ACACB: variants seen among roughly 807,000 people sequenced by gnomAD.
ACACB encodes the protein acetyl-CoA carboxylase beta, also known as acetyl-CoA carboxylase 2.
A neutral mutation model predicts 278.8 loss-of-function variants in ACACB; 209 were observed. The observed-to-expected ratio is 0.75, with a 90% CI of 0.67 to 0.84. The LOEUF (loss-of-function observed/expected upper bound fraction) is 0.84. Ranked by LOEUF, ACACB falls within the 40% of genes least tolerant of loss-of-function variation. The pLI is 0.00. For synonymous variants in ACACB, 1,174 were observed against 1,285.6 expected (o/e 0.91, Z 1.86); for missense variants, 2,850 against 3,269.0 (o/e 0.87, Z 3.13).
intron 19 of ACACB, among the ~76,000 whole-genome samples, chr12:109,205,938 T>C (rs969543888): frequency 6.6e-6 from 1 of 152,184 alleles, no homozygotes; most frequent in African/African-American, 2.4e-5. Context: ...ACATTTAGTC[T>C]GTGTTGCCCT....
At chr12:109,173,161 G>C (rs1242835549) in intron 6 of ACACB, among the ~76,000 whole-genome samples, 1 of 152,156 alleles carries the variant, frequency 6.6e-6, no homozygotes, top group East Asian at 1.9e-4. Flanking sequence ...CACTACTTGA[G>C]GGTGAAAGGC....
chr12:109,242,492 A>T lies in ACACB; in HGVS notation c.5078A>T (p.Asn1693Ile). ...GGGCCCCAGCACGGGATGCTGATCAATACTCCCTACGTCACCAAGGATCTG... is the reference window on the plus strand; with the variant it reads ...GGGCCCCAGCACGGGATGCTGATCATTACTCCCTACGTCACCAAGGATCTG... ...KQGPQHGMLI[N>I]TPYVTKDLLQ... is the part of the protein sequence containing the mutation. Residue 1693 changes from asparagine to isoleucine, a missense_variant, in exon 37 of 53, where the codon AAT becomes ATT. Coordinates refer to ENST00000338432, the MANE Select transcript of ACACB (RefSeq NM_001093.4). 1 of 1,614,118 alleles carries T rather than the reference A, an allele frequency of 6.2e-7. No homozygotes were observed. The highest frequency in any genetic ancestry group is 8.5e-7 in the Non-Finnish European group (1 of 1,179,998).
intron 13 of ACACB, among the ~76,000 whole-genome samples, chr12:109,188,482 A>C (rs1593504244): frequency 2.6e-5 from 3 of 117,190 alleles, no homozygotes; most frequent in East Asian, 2.5e-4. Flanking sequence ...TCTTTTCCTG[A>C]CTTCTCTGCT....
chr12:109,220,186 T>A (rs1340982565), intron 24 of ACACB, among the ~76,000 whole-genome samples: 1 of 152,210 alleles, frequency 6.6e-6, no homozygotes, highest in African/African-American at 2.4e-5. Flanking sequence ...GACATTTTCC[T>A]GGACCTCCTT....
chr12:109,187,561 G>A (rs2044707390), intron 12 of ACACB, among the ~76,000 whole-genome samples: 1 of 151,914 alleles, frequency 6.6e-6, no homozygotes, highest in African/African-American at 2.4e-5. Flanking sequence ...CTGGGCTCAA[G>A]AGATCCTTCT....
chr12:109,144,996 C>T (rs1043538640), intron 2 of ACACB, among the ~76,000 whole-genome samples: 2 of 152,050 alleles, frequency 1.3e-5, no homozygotes, highest in Admixed American at 1.3e-4. Flanking sequence ...CTCCTGACGT[C>T]GTGATCCACC....
At chr12:109,167,865 T>A (rs777136804) in intron 3 of ACACB, 31 bp from the exon 4 acceptor site, 10 of 1,613,466 alleles carry the variant, frequency 6.2e-6, no homozygotes, top group Non-Finnish European at 8.5e-6. Context: ...TAGATGTGCA[T>A]CTACAGCTCC....
intron 37 of ACACB, 113 bp downstream of exon 37, chr12:109,242,705 T>A: frequency 7.4e-7 from 1 of 1,347,648 alleles, no homozygotes; most frequent in South Asian, 1.4e-5. Context: ...GGACAAGGTC[T>A]TGCCAGGTGC....
At chr12:109,206,593 A>T in intron 19 of ACACB, 117 bp from the exon 20 acceptor site, 6 of 1,183,898 alleles carry the variant, frequency 5.1e-6, no homozygotes, top group Non-Finnish European at 7.2e-6. Flanking sequence ...TTTTCCTCAG[A>T]CCTCATCCTC....
intron 1 of ACACB, among the ~76,000 whole-genome samples, chr12:109,130,585 G>A (rs2042798738): frequency 6.6e-6 from 1 of 152,124 alleles, no homozygotes; most frequent in African/African-American, 2.4e-5. Context: ...GATGATCCCT[G>A]TGCTTCCCCG....
rs2136019165 is a variant in ACACB, at chr12:109,139,377, C to G, written c.-9-20C>G. 2 of 1,585,618 alleles carry G rather than the reference C, an allele frequency of 1.3e-6. No homozygotes were observed. Among genetic ancestry groups the G allele is most frequent in the Non-Finnish European group, 1.7e-6 (2 of 1,165,248 alleles). ...CTTGATTATGTAAATCCTAAAATGT[C>G]TCTCCTTTTCTCCTTACAGATTTTC... On this transcript the variant is annotated intron_variant, in intron 1 of 52. Coordinates refer to ENST00000338432, the MANE Select transcript of ACACB (RefSeq NM_001093.4).
In ACACB at chr12:109,179,299, T is replaced by G. The variant is rs752955061; in HGVS notation, c.1647+2T>G. 2 of 1,612,582 alleles carry G rather than the reference T, an allele frequency of 1.2e-6. No homozygotes were observed. The highest frequency in any genetic ancestry group is 2.2e-5 in the South Asian group (2 of 90,804). ...GCCATATTCGAGTTCATGGAGCAGG[T>G]ACACTTCTCAGAGCCCAGGGGGCAG... On this transcript the variant is annotated splice_donor_variant, in intron 10 of 52. Coordinates refer to ENST00000338432, the MANE Select transcript of ACACB (RefSeq NM_001093.4). LOFTEE classifies it high-confidence loss of function.
chr12:109,201,033 A>G (rs907914915), intron 18 of ACACB, among the ~76,000 whole-genome samples: 1 of 152,342 alleles, frequency 6.6e-6, no homozygotes, highest in Middle Eastern at 3.4e-3. Context: ...CAAGAGAGAT[A>G]GCACAGTCCT....
rs375445592 is a variant in ACACB at position 109,242,455 on chromosome 12, G to A, written c.5041G>A (p.Gly1681Ser). 1.1e-4 allele frequency: 170 copies of A among 1,613,370 alleles called. No individual in the cohort carries two copies. Among genetic ancestry groups the A allele is most frequent in the African/African-American group, 1.2e-4 (9 of 74,844 alleles). ...RSGNIMFHSF[G>S]NKQGPQHGML... ...GGTCCAGATCATGTTTCACTCCTTC[G>A]GCAACAAGCAAGGGCCCCAGCACGG... is the stretch of plus-strand genomic sequence containing the variant. Residue 1681 changes from glycine (G) to serine (S), a missense_variant, in exon 37 of 53, where the codon GGC (glycine) becomes AGC (serine). Gly to Ser is a moderately conservative substitution (Grantham distance 56). Around this residue, in one of 3 missense-constraint regions of ACACB, gnomAD observed 2,265 missense variants for 2,561.3 expected, o/e 0.88. Coordinates refer to ENST00000338432, the MANE Select transcript of ACACB (RefSeq NM_001093.4).
intron 20 of ACACB, among the ~76,000 whole-genome samples, 178 bp from the exon 21 acceptor site, chr12:109,208,987 C>T (rs1357725115): frequency 6.6e-6 from 1 of 152,122 alleles, no homozygotes; most frequent in Non-Finnish European, 1.5e-5. Context: ...ACTGAGTATT[C>T]CCCTGTGGTC....
Position 109,223,809 on chromosome 12 carries a change from C to T in ACACB, c.3793-6C>T. The stretch of plus-strand genomic sequence containing the variant: ...TTTCCTTGTTTCCCCTTTTCATTTC[C>T]CTTAGAAATTAATACTTTCGGAAAC... On this transcript the variant is annotated splice_polypyrimidine_tract_variant and splice_region_variant and intron_variant, in intron 26 of 52. Coordinates refer to ENST00000338432, the MANE Select transcript of ACACB (RefSeq NM_001093.4). 1 of 1,611,020 alleles carries T rather than the reference C, an allele frequency of 6.2e-7. No homozygotes were observed. The highest frequency in any genetic ancestry group is 1.3e-5 in the African/African-American group (1 of 74,964).
intron 1 of ACACB, among the ~76,000 whole-genome samples, chr12:109,122,329 G>A (rs981727712): frequency 1.3e-5 from 2 of 152,164 alleles, no homozygotes; most frequent in African/African-American, 4.8e-5. Flanking sequence ...GCTTCATATA[G>A]GCCAGGTATG....
intron 2 of ACACB, among the ~76,000 whole-genome samples, chr12:109,160,587 T>C (rs2043691985): frequency 6.6e-6 from 1 of 152,238 alleles, no homozygotes; most frequent in Admixed American, 6.5e-5. Context: ...ACATTTCAGC[T>C]CTCACCCTTG....
Position 109,139,727 on chromosome 12 carries a change from G to A in ACACB, c.322G>A (p.Asp108Asn), listed in dbSNP as rs2043054367. The A allele has an allele frequency of 2.1e-5, 34 of 1,613,986 alleles. No individual in the cohort carries two copies. Among genetic ancestry groups the A allele is most frequent in the Non-Finnish European group, 2.6e-5 (31 of 1,180,030 alleles). The change falls in exon 2 of 53, where the codon GAC becomes AAC. Residue 108 changes from aspartate to asparagine, a missense_variant. Transcript: ENST00000338432. Reference sequence around the variant, plus strand: ...CCCAAGAAACCCCCTTTCTTCCAGTGACGCAGCACCCTCCCCAGAGCTTCA... The same window carrying A: ...CCCAAGAAACCCCCTTTCTTCCAGTAACGCAGCACCCTCCCCAGAGCTTCA... Reference protein sequence around the residue: ...KPPRNPLSSSDAAPSPELQAN... With the variant: ...KPPRNPLSSSNAAPSPELQAN...
Sources: allele counts gnomAD v4.1 joint callset (sites outside exome capture counted in the v4.1 genomes callset), GRCh38; gene constraint gnomAD v4.1.1; regional missense constraint gnomAD v4.1.1; transcripts MANE v1.5; gene names NCBI Gene and HGNC (gene_info 2026-07-23, HGNC 2026-07-21).